Variants in APOH observed in about 807,000 individuals in gnomAD.
The protein encoded by APOH is beta-2-glycoprotein 1.
A neutral mutation model predicts 39.8 loss-of-function variants in APOH; 48 were observed. The observed-to-expected ratio is 1.21, with a 90% CI of 0.96 to 1.54. The LOEUF is 1.54. APOH is among the 40% of genes most tolerant of loss of function. The probability of loss-of-function intolerance (pLI) is 0.00; values close to 1 mark genes in which losing one functional copy is unlikely to be tolerated. For missense variants in APOH, 415 were observed against 421.2 expected, an observed-to-expected ratio of 0.99 and a Z score of 0.13; for synonymous variants, 153 against 151.1, an observed-to-expected ratio of 1.01 and a Z score of -0.09.
At chr17:66,223,572 T>C (rs8178837) in intron 4 of APOH, 126 bp downstream of exon 4, 3 of 778,514 alleles carry the variant, frequency 3.9e-6, no homozygotes, top group African/African-American at 1.7e-5. Context: ...AGGATGAATA[T>C]CCCCCACAAG....
At chr17:66,226,883 A>ATT (rs1185974185) in intron 2 of APOH, among the ~76,000 whole-genome samples, 33 of 96,944 alleles carry the variant, frequency 3.4e-4, no homozygotes, top group African/African-American at 1.8e-3. Context: ...TTTTTATTTT[A>ATT]TTTATTTATT....
intron 4 of APOH, among the ~76,000 whole-genome samples, chr17:66,221,295 C>CGAAGGA (rs2073398731): frequency 2.1e-5 from 1 of 48,406 alleles, no homozygotes; most frequent in African/African-American, 8.0e-5. Context: ...GGAAGGAAGT[C>CGAAGGA]AGAAGGGAGG....
rs771321600 is a variant in APOH, at chr17:66,220,568, A to G, written c.590T>C (p.Leu197Ser). ...ATTGCACTTACCCCTGCATTCTGGT[A>G]ATTTAGTCCAATTTCCATGTGTCGT... is the stretch of plus-strand genomic sequence containing the variant. ...TCTTHGNWTK[L>S]PECREVKCPF... Residue 197 changes from leucine (L) to serine (S), a missense_variant, in exon 5 of 8, where the codon TTA (leucine) becomes TCA (serine). Coordinates refer to ENST00000205948, the MANE Select transcript of APOH (RefSeq NM_000042.3). 1 of 1,614,044 alleles carries G rather than the reference A, an allele frequency of 6.2e-7. No homozygotes were observed. The highest frequency in any genetic ancestry group is 1.1e-5 in the South Asian group (1 of 91,076).
At chr17:66,221,285 GGAAGGAAGTCA>G (rs2073398388) in intron 4 of APOH, among the ~76,000 whole-genome samples, 2 of 138,972 alleles carry the variant, frequency 1.4e-5, no homozygotes, top group African/African-American at 2.7e-5. Flanking sequence ...AAGGAAGGAA[GGAAGGAAGTCA>G]GAAGGGAGGG....
intron 7 of APOH, among the ~76,000 whole-genome samples, chr17:66,214,021 C>A (rs2073349971): frequency 6.6e-6 from 1 of 151,778 alleles, no homozygotes; most frequent in African/African-American, 2.4e-5. Context: ...TCCCTCTCAC[C>A]CCTCTTTTTA....
At chr17:66,229,182 C>G in intron 1 of APOH, 134 bp downstream of exon 1, 1 of 593,040 alleles carries the variant, frequency 1.7e-6, no homozygotes, top group Non-Finnish European at 2.9e-6. Context: ...GGTGATCCAC[C>G]TGCCTTGGCC....
rs1429895372 is a variant in APOH at position 66,214,435 on chromosome 17, G to A, written c.982+18C>T. The stretch of plus-strand genomic sequence containing the variant: ...GGGCAAGTGGGAGTCCTAGCTAAAC[G>A]TTCCAATGCAGACTTACCCTTGAAG... On this transcript the variant is annotated intron_variant, in intron 7 of 7. Transcript: ENST00000205948. 8.1e-6 allele frequency: 13 copies of A among 1,609,346 alleles called. No homozygotes were observed. The highest frequency in any genetic ancestry group is 1.3e-5 in the African/African-American group (1 of 74,710).
rs2073412987 is a variant in APOH, at chr17:66,223,226, A to AAGAGGATCC, written c.415+463_415+471dup. Among the ~76,000 whole-genome samples, 4 of 152,364 alleles carry AAGAGGATCC rather than the reference A, an allele frequency of 2.6e-5. No individual in the cohort carries two copies. In the South Asian group the frequency reaches 8.3e-4, roughly 32 times the overall value. The stretch of plus-strand genomic sequence containing the variant: ...TTGGCCTTGCAGCCTCAGTGCTAAC[A>AAGAGGATCC]AGAGGATCCAGCATACAGTAGATCC... On this transcript the variant is annotated intron_variant, in intron 4 of 7. Transcript: ENST00000205948.
At chr17:66,226,783 C>T (rs1336687427) in intron 2 of APOH, among the ~76,000 whole-genome samples, 1 of 151,946 alleles carries the variant, frequency 6.6e-6, no homozygotes, top group African/African-American at 2.4e-5. Context: ...CAGAAAAATA[C>T]AAAATTATAC....
chr17:66,219,025 A>G (rs2073382135), intron 5 of APOH, among the ~76,000 whole-genome samples: 1 of 151,898 alleles, frequency 6.6e-6, no homozygotes, highest in South Asian at 2.1e-4. Flanking sequence ...AATAATAATA[A>G]TTATTATTAT....
At chr17:66,225,876 CAA>C (rs35151038) in intron 3 of APOH, 150 bp downstream of exon 3, 3,967 of 419,096 alleles carry the variant, frequency 9.5e-3, no homozygotes, top group South Asian at 0.019. Context: ...GACTCCGTCT[CAA>C]AAAAAAAAAA....
At chr17:66,215,329 T>G (rs951376964) in intron 6 of APOH, among the ~76,000 whole-genome samples, 11 of 152,186 alleles carry the variant, frequency 7.2e-5, no homozygotes, top group Admixed American at 4.6e-4. Flanking sequence ...GAACCTGGCA[T>G]AAATGCAAAT....
At chr17:66,227,014 C>G (rs1301713262) in intron 2 of APOH, among the ~76,000 whole-genome samples, 2 of 152,060 alleles carry the variant, frequency 1.3e-5, no homozygotes, top group East Asian at 3.9e-4. Flanking sequence ...TCCTGAGTAG[C>G]TGGGACTACA....
intron 5 of APOH, among the ~76,000 whole-genome samples, chr17:66,219,256 G>A (rs1245602914): frequency 6.6e-6 from 1 of 152,074 alleles, no homozygotes; most frequent in African/African-American, 2.4e-5. Flanking sequence ...AAATGTCCTT[G>A]TTCTTAGTAT....
chr17:66,212,648 G>C lies in APOH; in HGVS notation c.983-460C>G, dbSNP rs1174942230. ...CCCGCCTTGGCCTCCCAAAGTGCTG[G>C]GATTACAAGTGTGAGCCACTGCGCC... On this transcript the variant is annotated intron_variant, in intron 7 of 7. Transcript: ENST00000205948. Among the ~76,000 whole-genome samples, 4 of 152,126 alleles carry C rather than the reference G, an allele frequency of 2.6e-5. No individual in the cohort carries two copies. In the East Asian group the frequency reaches 7.7e-4, roughly 29 times the overall value.
Position 66,216,303 on chromosome 17 carries a change from C to G in APOH, c.784+485G>C, listed in dbSNP as rs566017649. ...TTCGAAATTAGCCTGGCCAACGTGG[C>G]AAAGCCCCATCTCTATTAAAAATAC... On this transcript the variant is annotated intron_variant, in intron 6 of 7. Coordinates refer to ENST00000205948, the MANE Select transcript of APOH (RefSeq NM_000042.3). 3.3e-5 allele frequency among the ~76,000 whole-genome samples: 5 copies of G among 152,046 alleles called. No homozygotes were observed. The South Asian group carries it at 1.0e-3, about 32-fold the overall frequency.
intron 4 of APOH, among the ~76,000 whole-genome samples, chr17:66,221,381 G>GAGGA (rs1230021025): frequency 0.3 from 8,523 of 28,254 alleles, 932 homozygotes; most frequent in East Asian, 0.39. Flanking sequence ...GGGAGGGAGG[G>GAGGA]AGGAAGGAAG....
At chr17:66,227,962 T>C in intron 2 of APOH, 58 bp downstream of exon 2, 1 of 1,558,946 alleles carries the variant, frequency 6.4e-7, no homozygotes, top group Non-Finnish European at 8.7e-7. Context: ...AGCTTATTCC[T>C]CCAAAATACC....
chr17:66,224,680 AGGG>A (rs1329585878), intron 3 of APOH, among the ~76,000 whole-genome samples: 175 of 51,540 alleles, frequency 3.4e-3, no homozygotes, highest in East Asian at 0.01. Context: ...AGGGAAGGGA[AGGG>A]AAGGGAAGGG....
Sources: allele counts gnomAD v4.1 joint callset (sites outside exome capture counted in the v4.1 genomes callset), GRCh38; gene constraint gnomAD v4.1.1; transcripts MANE v1.5; gene names NCBI Gene and HGNC (gene_info 2026-07-23, HGNC 2026-07-21).